The following THRB variants were observed in gnomAD, a reference collection of about 807,000 sequenced individuals.
THRB encodes thyroid hormone receptor beta, also known as nuclear receptor subfamily 1 group A member 2.
A neutral mutation model predicts 47.8 loss-of-function variants in THRB; 12 were observed. The ratio of observed to expected loss-of-function variants is 0.25; its 90% CI spans 0.16 to 0.41. The LOEUF is 0.41. Among genes scored for constraint, THRB ranks in the 10% least tolerant of loss-of-function variants. The pLI, the probability that THRB is intolerant of heterozygous loss-of-function variation, is 1.00. For missense variants in THRB, 348 were observed against 589.2 expected, an observed-to-expected ratio of 0.59 and a Z score of 4.24; for synonymous variants, 218 against 212.2, an observed-to-expected ratio of 1.03 and a Z score of -0.24.
chr3:24,446,050 A>G (rs1443665930), intron 1 of THRB, among the ~76,000 whole-genome samples: 1 of 152,240 alleles, frequency 6.6e-6, no homozygotes, highest in African/African-American at 2.4e-5. Flanking sequence ...CCAAAATGTT[A>G]CAGCAGCTAT....
rs527703444 is a variant in THRB, at chr3:24,286,169, G to A, written c.-43+11057C>T. Among the ~76,000 whole-genome samples, 8 of 152,286 alleles carry A rather than the reference G, an allele frequency of 5.3e-5. No homozygotes were observed. The South Asian group carries it at 1.7e-3, about 32-fold the overall frequency. On this transcript the variant is annotated intron_variant, in intron 3 of 10. Transcript: ENST00000646209. ...TTGACCTTGGACACCCAAGCCTCAAGAACTGTGAGAAACAAATGTTTGGTG... is the reference window on the plus strand; with the variant it reads ...TTGACCTTGGACACCCAAGCCTCAAAAACTGTGAGAAACAAATGTTTGGTG...
At chr3:24,267,865 A>G (rs1401269079) in intron 3 of THRB, among the ~76,000 whole-genome samples, 3 of 152,186 alleles carry the variant, frequency 2.0e-5, no homozygotes, top group South Asian at 4.1e-4. Flanking sequence ...ACCCATCCCA[A>G]TGGTCCTGAA....
At chr3:24,283,710 T>G (rs1232146560) in intron 3 of THRB, among the ~76,000 whole-genome samples, 2 of 149,732 alleles carry the variant, frequency 1.3e-5, no homozygotes, top group African/African-American at 4.9e-5. Flanking sequence ...AAAATCTCCT[T>G]AAGCTGATAA....
At chr3:24,385,261 C>G (rs1183243997) in intron 1 of THRB, among the ~76,000 whole-genome samples, 1 of 152,080 alleles carries the variant, frequency 6.6e-6, no homozygotes, top group African/African-American at 2.4e-5. Context: ...ATACAGACAA[C>G]TGGCCATCAG....
chr3:24,435,168 G>A (rs1005617444), intron 1 of THRB, among the ~76,000 whole-genome samples: 2 of 152,130 alleles, frequency 1.3e-5, no homozygotes, highest in African/African-American at 2.4e-5. Context: ...CTGATTAGGT[G>A]TATGGCAGCA....
At chr3:24,192,738 G>T (rs1276850376) in intron 4 of THRB, among the ~76,000 whole-genome samples, 1 of 152,174 alleles carries the variant, frequency 6.6e-6, no homozygotes, top group Admixed American at 6.5e-5. Flanking sequence ...TACACTTGGG[G>T]TGAGGTAAGG....
intron 1 of THRB, among the ~76,000 whole-genome samples, chr3:24,345,441 T>C (rs903935004): frequency 2.0e-5 from 3 of 152,052 alleles, no homozygotes; most frequent in Admixed American, 2.0e-4. Flanking sequence ...TTTGATTGAG[T>C]GGACACAATT....
chr3:24,144,013 A>G (rs1678626951), intron 7 of THRB: 1 of 434,244 alleles, frequency 2.3e-6, no homozygotes. Context: ...AGTGAAGCAG[A>G]GAGGTAAAAT....
In THRB at chr3:24,138,655, T is replaced by C. The variant is rs115888813; in HGVS notation, c.738+4846A>G. Among the ~76,000 whole-genome samples the C allele has an allele frequency of 5.0e-3, 764 of 152,262 alleles. 9 individuals carry two copies. The highest frequency in any genetic ancestry group is 0.018 in the African/African-American group (740 of 41,550). On this transcript the variant is annotated intron_variant, in intron 8 of 10. Transcript: ENST00000646209. Reference sequence around the variant, plus strand: ...TTATCCTGCCTTCTTCTGATGTTATTCTAATAACTTGGGGTGATAGATGCC... The same window carrying C: ...TTATCCTGCCTTCTTCTGATGTTATCCTAATAACTTGGGGTGATAGATGCC...
chr3:24,217,895 T>C (rs114736684), intron 4 of THRB, among the ~76,000 whole-genome samples: 4,175 of 152,272 alleles, frequency 0.027, 96 homozygotes, highest in Non-Finnish European at 0.045. Context: ...AAGGAAGAGA[T>C]TGTATGAAAA....
intron 1 of THRB, among the ~76,000 whole-genome samples, chr3:24,341,376 G>C (rs187008451): frequency 1.5e-4 from 22 of 151,584 alleles, no homozygotes; most frequent in Middle Eastern, 3.4e-3. Context: ...GATGACAGGC[G>C]TGTACCACCA....
At chr3:24,256,452 G>A (rs1365644311) in intron 3 of THRB, among the ~76,000 whole-genome samples, 1 of 152,034 alleles carries the variant, frequency 6.6e-6, no homozygotes, top group Non-Finnish European at 1.5e-5. Context: ...TTCGTTGCAG[G>A]GAATAAATGG....
chr3:24,251,129 C>T (rs2050626666), intron 3 of THRB, among the ~76,000 whole-genome samples: 1 of 151,982 alleles, frequency 6.6e-6, no homozygotes, highest in Non-Finnish European at 1.5e-5. Flanking sequence ...AAATAGAAGC[C>T]TTATTGCTAG....
At chr3:24,447,187 A>G (rs1007266310) in intron 1 of THRB, among the ~76,000 whole-genome samples, 8 of 152,222 alleles carry the variant, frequency 5.3e-5, no homozygotes, top group African/African-American at 1.7e-4. Context: ...AAGAGCAGTT[A>G]TGCATTTATT....
chr3:24,307,831 A>G (rs527418871), intron 2 of THRB, among the ~76,000 whole-genome samples: 21 of 152,320 alleles, frequency 1.4e-4, no homozygotes, highest in Middle Eastern at 3.4e-3. Flanking sequence ...GCCAGGTTCC[A>G]GTTGCCTTGA....
At chr3:24,318,789 C>T (rs1473504644) in intron 2 of THRB, among the ~76,000 whole-genome samples, 1 of 152,196 alleles carries the variant, frequency 6.6e-6, no homozygotes, top group Admixed American at 6.5e-5. Flanking sequence ...TTATCAAGGC[C>T]ATGCCATGGG....
Position 24,391,991 on chromosome 3 carries a change from A to G in THRB, c.-260-54620T>C, listed in dbSNP as rs1328053642. 6.6e-5 allele frequency among the ~76,000 whole-genome samples: 10 copies of G among 152,224 alleles called. No homozygotes were observed. In the South Asian group the frequency reaches 2.1e-3, roughly 32 times the overall value. ...TTGGCATGCTCACAATCTGGCTCCA[A>G]AGCAACGCTACTTTCTTCTGTGTTC... On this transcript the variant is annotated intron_variant, in intron 1 of 10. Transcript: ENST00000646209.
chr3:24,242,198 T>C (rs1436211971), intron 3 of THRB, among the ~76,000 whole-genome samples: 2 of 152,212 alleles, frequency 1.3e-5, no homozygotes, highest in African/African-American at 4.8e-5. Context: ...CCAAGTTTTT[T>C]ACATTCTTTT....
At chr3:24,336,000 T>A (rs1253725978) in intron 2 of THRB, among the ~76,000 whole-genome samples, 1 of 152,184 alleles carries the variant, frequency 6.6e-6, no homozygotes, top group Non-Finnish European at 1.5e-5. Flanking sequence ...TCCTTTTCCA[T>A]GCTTTACAAA....
Sources: gnomAD v4.1 joint callset for allele counts (sites outside exome capture counted in the v4.1 genomes callset) on GRCh38, gnomAD v4.1.1 for gene constraint, MANE v1.5 for transcripts, NCBI Gene and HGNC (gene_info 2026-07-23, HGNC 2026-07-21) for gene names.